Variants in RFC3 observed in about 807,000 individuals in gnomAD.
RFC3 encodes replication factor C subunit 3, also known as A1 38 kDa subunit.
In RFC3, 41 loss-of-function variants were observed where a neutral mutation model predicts 45.1. The ratio of observed to expected loss-of-function variants is 0.91; its 90% CI spans 0.71 to 1.18. The LOEUF (loss-of-function observed/expected upper bound fraction) is 1.18, where lower values mean the gene tolerates loss of function less well. RFC3 is among the 50% of genes most tolerant of loss of function. RFC3 has a pLI of 0.00. For missense variants in RFC3, 423 were observed against 428.1 expected (o/e 0.99, Z 0.10); for synonymous variants, 149 against 144.0 (o/e 1.03, Z -0.25).
chr13:33,886,366 G>A (rs542426558), intron 8 of RFC3, among the ~76,000 whole-genome samples: 16 of 151,918 alleles, frequency 1.1e-4, no homozygotes, highest in African/African-American at 2.7e-4. Flanking sequence ...CTAACATGGC[G>A]AAACCCTGTC....
chr13:33,850,823 CTT>C (rs1593637194), intron 8 of RFC3: 1 of 152,096 alleles, frequency 6.6e-6, no homozygotes, highest in East Asian at 1.9e-4. Context: ...GATTTGAAAA[CTT>C]GGTGCTCATG....
chr13:33,828,859 G>T (rs1029872502), intron 4 of RFC3, among the ~76,000 whole-genome samples: 1 of 152,138 alleles, frequency 6.6e-6, no homozygotes, highest in Non-Finnish European at 1.5e-5. Flanking sequence ...CAAATTGGCC[G>T]CACCATGGTT....
chr13:33,920,420 C>CTTTTT (rs777079510), intron 8 of RFC3, among the ~76,000 whole-genome samples: 18 of 83,176 alleles, frequency 2.2e-4, no homozygotes, highest in African/African-American at 3.6e-4. Context: ...TACAACCACA[C>CTTTTT]TTTTTTTTTT....
At chr13:33,830,573 C>A in intron 5 of RFC3, 146 bp from the exon 6 acceptor site, 2 of 539,466 alleles carry the variant, frequency 3.7e-6, no homozygotes, top group Non-Finnish European at 6.3e-6. Context: ...GTGTTAGATG[C>A]AGAGTGGTAA....
intron 8 of RFC3, among the ~76,000 whole-genome samples, chr13:33,928,327 A>G (rs2082828948): frequency 6.6e-6 from 1 of 152,144 alleles, no homozygotes; most frequent in East Asian, 1.9e-4. Context: ...TTATGTATTT[A>G]CGCAGTTATA....
rs550119883 is a variant in RFC3, at chr13:33,920,695, C to T, written c.880-45392C>T. On this transcript the variant is annotated intron_variant, in intron 8 of 8. Coordinates refer to the RFC3 transcript ENST00000434425. The stretch of plus-strand genomic sequence containing the variant: ...AAGTGATCCCTCTACCCTGGCCTCC[C>T]AAAGTGCTGGGATTACAGGTGTGAG... Among the ~76,000 whole-genome samples, 14 of 152,188 alleles carry T rather than the reference C, an allele frequency of 9.2e-5. No homozygotes were observed. In the South Asian group the frequency reaches 2.1e-3, roughly 23 times the overall value.
intron 8 of RFC3, among the ~76,000 whole-genome samples, chr13:33,879,007 C>T (rs1408863249): frequency 6.6e-6 from 1 of 152,114 alleles, no homozygotes; most frequent in East Asian, 1.9e-4. Context: ...TTATCGTTAT[C>T]ATAATCTTTT....
chr13:33,931,542 C>G (rs1027378371), intron 8 of RFC3, among the ~76,000 whole-genome samples: 1 of 151,986 alleles, frequency 6.6e-6, no homozygotes, highest in Non-Finnish European at 1.5e-5. Flanking sequence ...TAAAATCTTG[C>G]GAACAGGAGA....
chr13:33,938,983 A>T (rs2082906500), intron 8 of RFC3, among the ~76,000 whole-genome samples: 1 of 152,086 alleles, frequency 6.6e-6, no homozygotes, highest in African/African-American at 2.4e-5. Flanking sequence ...GTATCATATT[A>T]ATGGTTTTGA....
At chr13:33,943,872 G>T (rs938228528) in intron 8 of RFC3, among the ~76,000 whole-genome samples, 6 of 152,144 alleles carry the variant, frequency 3.9e-5, no homozygotes, top group Non-Finnish European at 7.4e-5. Flanking sequence ...CAAATTCGCA[G>T]GTTCTATTGG....
In RFC3 at chr13:33,953,541, A is replaced by G. The variant is rs560782489; in HGVS notation, c.880-12546A>G. ...GTCTTAAGAAAACTATTGGGAAAAC[A>G]GTTTCTTGTTTTATTTGCTTATTTC... On this transcript the variant is annotated intron_variant, in intron 8 of 8. Transcript: ENST00000434425. 4.6e-5 allele frequency among the ~76,000 whole-genome samples: 7 copies of G among 152,258 alleles called. No homozygotes were observed. The South Asian group carries it at 1.5e-3, about 32-fold the overall frequency.
chr13:33,963,524 G>C (rs2083069870), intron 8 of RFC3, among the ~76,000 whole-genome samples: 1 of 152,188 alleles, frequency 6.6e-6, no homozygotes, highest in Non-Finnish European at 1.5e-5. Context: ...TTGATGAAAG[G>C]CTGTGTTAGT....
chr13:33,946,763 T>A (rs1006866329), intron 8 of RFC3, among the ~76,000 whole-genome samples: 3 of 152,244 alleles, frequency 2.0e-5, no homozygotes, highest in Admixed American at 2.0e-4. Flanking sequence ...ATTTTAATAG[T>A]CTTTATAGAT....
At chr13:33,868,148 A>G (rs1298906071) in intron 8 of RFC3, among the ~76,000 whole-genome samples, 3 of 152,132 alleles carry the variant, frequency 2.0e-5, no homozygotes, top group African/African-American at 7.3e-5. Context: ...AGTGAAGAAC[A>G]TATGTGGATA....
chr13:33,928,284 A>G (rs1023166669), intron 8 of RFC3, among the ~76,000 whole-genome samples: 18 of 152,170 alleles, frequency 1.2e-4, no homozygotes, highest in East Asian at 9.7e-4. Context: ...ACAACTTGAG[A>G]TGCAAGTACT....
intron 8 of RFC3, among the ~76,000 whole-genome samples, chr13:33,903,334 C>T (rs1303516087): frequency 6.6e-6 from 1 of 152,052 alleles, no homozygotes; most frequent in Non-Finnish European, 1.5e-5. Context: ...TGCAGTCACA[C>T]TCCATTATAA....
chr13:33,971,838 GC>G, the RFC3 span, among the ~76,000 whole-genome samples: 1 of 152,216 alleles, frequency 6.6e-6, no homozygotes, highest in Non-Finnish European at 1.5e-5. Context: ...CTGGTCAGGT[GC>G]AGTGGCTCAC....
chr13:33,921,578 GC>G (rs2082769250), intron 8 of RFC3, among the ~76,000 whole-genome samples: 1 of 152,060 alleles, frequency 6.6e-6, no homozygotes, highest in Non-Finnish European at 1.5e-5. Context: ...TACATAAACT[GC>G]AGCATCAGCA....
chr13:33,929,634 A>T (rs1306984218), intron 8 of RFC3, among the ~76,000 whole-genome samples: 1 of 152,040 alleles, frequency 6.6e-6, no homozygotes, highest in African/African-American at 2.4e-5. Context: ...AAAATTTTAA[A>T]CTTACCTATA....
Sources: allele counts gnomAD v4.1 joint callset (sites outside exome capture counted in the v4.1 genomes callset), GRCh38; gene constraint gnomAD v4.1.1; transcripts MANE v1.5; gene names NCBI Gene and HGNC (gene_info 2026-07-23, HGNC 2026-07-21).